The following PRKCD variants were observed in gnomAD, a reference collection of about 807,000 sequenced individuals.
PRKCD encodes protein kinase C delta.
A neutral mutation model predicts 82.2 loss-of-function variants in PRKCD; 20 were observed. That is an observed-to-expected ratio of 0.24 (90% CI 0.17 to 0.35). The LOEUF (loss-of-function observed/expected upper bound fraction) is 0.35, where lower values mean the gene tolerates loss of function less well. Ranked by LOEUF, PRKCD falls within the 10% of genes least tolerant of loss-of-function variation. The pLI is 1.00. For missense variants in PRKCD, 607 were observed against 899.0 expected (o/e 0.68, Z 4.15); for synonymous variants, 317 against 337.0 (o/e 0.94, Z 0.65).
intron 2 of PRKCD, among the ~76,000 whole-genome samples, chr3:53,168,128 G>A (rs1201462941): frequency 2.0e-5 from 3 of 152,370 alleles, no homozygotes; most frequent in East Asian, 3.9e-4. Context: ...GGCTGGGAAC[G>A]AGGGGGTGGA....
In PRKCD at chr3:53,174,373, G is replaced by A. The variant is rs538889460; in HGVS notation, c.-19-4031G>A. 1.3e-5 allele frequency among the ~76,000 whole-genome samples: 2 copies of A among 152,326 alleles called. 1 individual carries two copies. Among genetic ancestry groups the A allele is most frequent in the African/African-American group, 4.8e-5 (2 of 41,572 alleles). ...GGCCTCAGCTGGCTCCAAGGAGCTT[G>A]TCCCCATGGAGGCTGTGTGGGGTCG... On this transcript the variant is annotated intron_variant, in intron 2 of 18. Transcript: ENST00000330452.
intron 14 of PRKCD, among the ~76,000 whole-genome samples, chr3:53,186,916 T>C (rs1217255293): frequency 6.6e-6 from 1 of 152,188 alleles, no homozygotes; most frequent in African/African-American, 2.4e-5. Flanking sequence ...GCAAATACTC[T>C]GGGTCCTGGC....
chr3:53,185,729 GT>G (rs781965397), intron 11 of PRKCD, 29 bp downstream of exon 11: 4 of 1,606,358 alleles, frequency 2.5e-6, no homozygotes, highest in Non-Finnish European at 3.4e-6. Flanking sequence ...CCCCATTACG[GT>G]TTTTATTCCC....
intron 17 of PRKCD, 100 bp downstream of exon 17, chr3:53,189,346 C>T (rs1451817506): frequency 7.8e-7 from 1 of 1,281,492 alleles, no homozygotes; most frequent in South Asian, 1.5e-5. Flanking sequence ...TCTGGAATGG[C>T]AGCCTCAGTG....
At chr3:53,170,096 A>G (rs1702967420) in intron 2 of PRKCD, among the ~76,000 whole-genome samples, 1 of 152,202 alleles carries the variant, frequency 6.6e-6, no homozygotes, top group African/African-American at 2.4e-5. Context: ...CTTCTCCCAA[A>G]CACAAAACGA....
intron 1 of PRKCD, 63 bp downstream of exon 1, chr3:53,161,491 T>G (rs1702656902): frequency 6.6e-6 from 1 of 151,092 alleles, no homozygotes; most frequent in Non-Finnish European, 1.5e-5. Flanking sequence ...CGCCCTTCCT[T>G]CCCCCTTCCC....
At chr3:53,188,222 G>A (rs1399867261) in intron 15 of PRKCD, among the ~76,000 whole-genome samples, 2 of 113,530 alleles carry the variant, frequency 1.8e-5, no homozygotes, top group Admixed American at 1.8e-4. Flanking sequence ...AAAGGTGGGA[G>A]CGAGCTGCAT....
intron 2 of PRKCD, among the ~76,000 whole-genome samples, chr3:53,172,144 TG>T (rs1279133435): frequency 6.6e-6 from 1 of 152,014 alleles, no homozygotes; most frequent in African/African-American, 2.4e-5. Flanking sequence ...AGCACAGGGC[TG>T]GGCATGTGGA....
Position 53,178,440 on chromosome 3 carries a change from C to T in PRKCD, c.18C>T (p.Arg6=). 3 of 1,612,354 alleles carry T rather than the reference C, an allele frequency of 1.9e-6. No homozygotes were observed. Among genetic ancestry groups the T allele is most frequent in the Non-Finnish European group, 2.5e-6 (3 of 1,179,772 alleles). ...GCCCCACCATGGCGCCGTTCCTGCG[C>T]ATCGCCTTCAACTCCTATGAGCTGG... is the stretch of plus-strand genomic sequence containing the variant. MAPFL[R]IAFNSYELGS... The change falls in exon 3 of 19, where the codon CGC becomes CGT. Residue 6 remains arginine, a synonymous_variant. Transcript: ENST00000330452.
chr3:53,187,456 A>G (rs979907547), intron 15 of PRKCD, 54 bp downstream of exon 15: 2 of 1,582,178 alleles, frequency 1.3e-6, no homozygotes, highest in African/African-American at 1.3e-5. Flanking sequence ...CAGCCCCATC[A>G]TATCTTCTGA....
At position 53,185,579 on chromosome 3, in the gene PRKCD, C is replaced by T. The variant is rs374507934; in HGVS notation, c.889-25C>T. 43 of 1,595,548 alleles carry T rather than the reference C, an allele frequency of 2.7e-5. No individual in the cohort carries two copies. The African/African-American group carries it at 5.0e-4, about 18-fold the overall frequency. ...TTCTGATAATGGTCTGACCATCTGG[C>T]CCCCCACCTCTGCTCCCTCCCCAGA... is the stretch of plus-strand genomic sequence containing the variant. On this transcript the variant is annotated intron_variant, in intron 10 of 18. Transcript: ENST00000330452.
intron 18 of PRKCD, among the ~76,000 whole-genome samples, chr3:53,190,533 C>T (rs149728986): frequency 3.3e-5 from 5 of 152,212 alleles, no homozygotes; most frequent in African/African-American, 4.8e-5. Context: ...TGAGAGGCCC[C>T]GTTGGAAGAA....
intron 17 of PRKCD, among the ~76,000 whole-genome samples, chr3:53,189,516 T>C (rs1024814731): frequency 4.6e-5 from 7 of 152,200 alleles, no homozygotes; most frequent in Admixed American, 3.3e-4. Flanking sequence ...GACTAGCTGG[T>C]CACTTAACCT....
intron 5 of PRKCD, 83 bp downstream of exon 5, chr3:53,181,350 T>G: frequency 6.2e-7 from 1 of 1,607,280 alleles, no homozygotes; most frequent in Non-Finnish European, 8.5e-7. Flanking sequence ...GCTGCTCCCT[T>G]CGGCAGAGCT....
Position 53,181,199 on chromosome 3 carries a change from C to T in PRKCD, c.316-8C>T. Reference sequence around the variant, plus strand: ...CCTTGTTCTCCCCTGGCCTCTGGCCCCCAACAGCTGGACCTGCAGCCTCAG... The same window carrying T: ...CCTTGTTCTCCCCTGGCCTCTGGCCTCCAACAGCTGGACCTGCAGCCTCAG... On this transcript the variant is annotated splice_region_variant and splice_polypyrimidine_tract_variant and intron_variant, in intron 4 of 18. Coordinates refer to ENST00000330452, the MANE Select transcript of PRKCD (RefSeq NM_006254.4). 6.2e-7 allele frequency: 1 copy of T among 1,613,242 alleles called. No homozygotes were observed.
Position 53,185,963 on chromosome 3 carries a change from G to A in PRKCD, c.1022G>A (p.Ser341Asn). 2 of 1,614,240 alleles carry A rather than the reference G, an allele frequency of 1.2e-6. No individual in the cohort carries two copies. The highest frequency in any genetic ancestry group is 2.2e-5 in the East Asian group (1 of 44,888). Residue 341 changes from serine to asparagine, a missense_variant, in exon 12 of 19, where the codon AGC (serine) becomes AAC (asparagine). By Grantham distance (46) the Ser-to-Asn change is conservative. Transcript: ENST00000330452. ...SGTYGKIWEGSSKCNINNFIF... is the reference protein window; with the variant it reads ...SGTYGKIWEGNSKCNINNFIF... Reference sequence around the variant, plus strand: ...ACCTACGGCAAGATCTGGGAGGGCAGCAGCAAGTGCAACATCAACAACTTC... The same window carrying A: ...ACCTACGGCAAGATCTGGGAGGGCAACAGCAAGTGCAACATCAACAACTTC...
intron 15 of PRKCD, 44 bp from the exon 16 acceptor site, chr3:53,188,676 G>C (rs546968835): frequency 6.2e-7 from 1 of 1,609,652 alleles, no homozygotes; most frequent in African/African-American, 1.3e-5. Context: ...GTTGGAAGGA[G>C]AAGAAATGTC....
At chr3:53,183,662 C>T (rs1703555156) in intron 9 of PRKCD, 81 bp downstream of exon 9, 1 of 1,558,842 alleles carries the variant, frequency 6.4e-7, no homozygotes. Flanking sequence ...CTCACGCCAC[C>T]CTCGCCTCCT....
At chr3:53,185,878 G>A (rs1024170698) in intron 11 of PRKCD, 49 bp from the exon 12 acceptor site, 21 of 1,599,358 alleles carry the variant, frequency 1.3e-5, no homozygotes, top group Non-Finnish European at 1.7e-5. Context: ...GGGGAGGGGA[G>A]TTGTGTAGAC....
Sources: gnomAD v4.1 joint callset for allele counts (sites outside exome capture counted in the v4.1 genomes callset) on GRCh38, gnomAD v4.1.1 for gene constraint, MANE v1.5 for transcripts, NCBI Gene and HGNC (gene_info 2026-07-23, HGNC 2026-07-21) for gene names.